Variants in EPHA3 observed in about 807,000 individuals in gnomAD.
The protein encoded by EPHA3 is EPH receptor A3.
EPHA3 carries 42 observed loss-of-function variants against 107.1 expected under a neutral mutation model. The observed-to-expected ratio is 0.39, with a 90% CI of 0.31 to 0.51. The LOEUF (loss-of-function observed/expected upper bound fraction) is 0.51. EPHA3 is among the 20% of genes least tolerant of loss of function. The pLI, the probability that EPHA3 is intolerant of heterozygous loss-of-function variation, is 0.78. For synonymous variants in EPHA3, 461 were observed against 424.8 expected (o/e 1.09, Z -1.05); for missense variants, 1,183 against 1,211.2 (o/e 0.98, Z 0.35).
intron 3 of EPHA3, among the ~76,000 whole-genome samples, chr3:89,292,641 A>G (rs371293744): frequency 6.6e-6 from 1 of 152,326 alleles, no homozygotes; most frequent in East Asian, 1.9e-4. Flanking sequence ...TTTGATCTAT[A>G]GAAAGCATTA....
chr3:89,457,012 C>G (rs1209868274), intron 15 of EPHA3, among the ~76,000 whole-genome samples: 1 of 152,026 alleles, frequency 6.6e-6, no homozygotes, highest in Non-Finnish European at 1.5e-5. Context: ...ATTATTAGAG[C>G]AAAAATAAAA....
chr3:89,271,028 G>T (rs1364968503), intron 3 of EPHA3, among the ~76,000 whole-genome samples: 3 of 152,022 alleles, frequency 2.0e-5, no homozygotes, highest in Non-Finnish European at 4.4e-5. Context: ...AACTGATATG[G>T]AAAGAATAAG....
intron 13 of EPHA3, among the ~76,000 whole-genome samples, chr3:89,448,091 C>T (rs186319469): frequency 2.0e-5 from 3 of 152,188 alleles, no homozygotes; most frequent in Non-Finnish European, 4.4e-5. Context: ...AAGTGCCCTC[C>T]TCAGTCTCTC....
chr3:89,233,342 T>C (rs1201962618), intron 3 of EPHA3, among the ~76,000 whole-genome samples: 1 of 152,124 alleles, frequency 6.6e-6, no homozygotes, highest in African/African-American at 2.4e-5. Flanking sequence ...AAGACCTACA[T>C]TGTCCCCCCA....
intron 10 of EPHA3, among the ~76,000 whole-genome samples, chr3:89,413,882 A>G (rs1659869921): frequency 6.6e-6 from 1 of 151,740 alleles, no homozygotes; most frequent in Admixed American, 6.6e-5. Context: ...TAACAGTTGC[A>G]TATTTATAAG....
intron 3 of EPHA3, among the ~76,000 whole-genome samples, chr3:89,302,983 C>A (rs977866417): frequency 2.6e-5 from 4 of 152,056 alleles, no homozygotes; most frequent in Admixed American, 6.6e-5. Context: ...ACCTTGACGC[C>A]CTGAGCTCAA....
At chr3:89,245,764 G>A (rs1705017388) in intron 3 of EPHA3, among the ~76,000 whole-genome samples, 1 of 152,234 alleles carries the variant, frequency 6.6e-6, no homozygotes, top group South Asian at 2.1e-4. Context: ...GGCATCTACT[G>A]TTATCAGAGT....
intron 3 of EPHA3, among the ~76,000 whole-genome samples, chr3:89,282,392 T>C (rs1705970617): frequency 6.6e-6 from 1 of 152,144 alleles, no homozygotes; most frequent in Admixed American, 6.5e-5. Context: ...ATCATACTTG[T>C]TGATTAATCA....
At chr3:89,474,153 CAAAT>C (rs1381051513) in intron 16 of EPHA3, among the ~76,000 whole-genome samples, 14 of 151,956 alleles carry the variant, frequency 9.2e-5, no homozygotes, top group Non-Finnish European at 1.3e-4. Flanking sequence ...GCCCAACAAA[CAAAT>C]AAATAAGTTT....
chr3:89,191,143 A>G (rs1189966285), intron 2 of EPHA3, among the ~76,000 whole-genome samples: 1 of 152,156 alleles, frequency 6.6e-6, no homozygotes, highest in Non-Finnish European at 1.5e-5. Context: ...ATGCTAGCTT[A>G]GAAGACAAAA....
intron 5 of EPHA3, among the ~76,000 whole-genome samples, chr3:89,394,277 G>A (rs1576355639): frequency 6.6e-6 from 1 of 152,242 alleles, no homozygotes; most frequent in East Asian, 1.9e-4. Context: ...GATTGTGGTG[G>A]CACAAGCCTG....
chr3:89,269,762 AC>A (rs1354575956), intron 3 of EPHA3, among the ~76,000 whole-genome samples: 2 of 43,220 alleles, frequency 4.6e-5, no homozygotes, highest in Admixed American at 7.2e-4. Flanking sequence ...CCCTCCCCCC[AC>A]CCCACAACAG....
At chr3:89,449,717 A>C (rs1709949915) in intron 14 of EPHA3, among the ~76,000 whole-genome samples, 1 of 152,186 alleles carries the variant, frequency 6.6e-6, no homozygotes, top group African/African-American at 2.4e-5. Flanking sequence ...TAATGAACTA[A>C]TAGTTACTTA....
chr3:89,474,960 G>A (rs2107577361), intron 16 of EPHA3, among the ~76,000 whole-genome samples: 1 of 152,256 alleles, frequency 6.6e-6, no homozygotes, highest in Non-Finnish European at 1.5e-5. Context: ...ACTGAGTCAG[G>A]TGGTATGGAT....
intron 3 of EPHA3, among the ~76,000 whole-genome samples, chr3:89,229,799 C>G (rs1265715822): frequency 6.6e-6 from 1 of 151,752 alleles, no homozygotes; most frequent in African/African-American, 2.4e-5. Flanking sequence ...AGAAAGCAAA[C>G]AACATAAAAG....
intron 2 of EPHA3, among the ~76,000 whole-genome samples, chr3:89,208,784 C>A (rs1454495089): frequency 1.3e-5 from 2 of 151,928 alleles, no homozygotes; most frequent in African/African-American, 2.4e-5. Context: ...TGGTTTAGGA[C>A]CAGTTTTAAG....
intron 15 of EPHA3, among the ~76,000 whole-genome samples, chr3:89,466,658 C>T (rs546080144): frequency 0.02 from 2,600 of 129,686 alleles, 298 homozygotes; most frequent in Non-Finnish European, 0.031. Context: ...TTGCGCTTCC[C>T]AGGTGAGGCA....
At chr3:89,422,925 A>T (rs1709381907) in intron 11 of EPHA3, among the ~76,000 whole-genome samples, 1 of 151,366 alleles carries the variant, frequency 6.6e-6, no homozygotes, top group Non-Finnish European at 1.5e-5. Flanking sequence ...AGAGTCTCTG[A>T]TCTTCAAAGT....
chr3:89,423,099 A>G (rs754154235), intron 11 of EPHA3, among the ~76,000 whole-genome samples: 12 of 151,616 alleles, frequency 7.9e-5, no homozygotes, highest in Non-Finnish European at 1.5e-4. Context: ...AACACCTTCC[A>G]TTGGCCACTT....
Sources: gnomAD v4.1 joint callset for allele counts (sites outside exome capture counted in the v4.1 genomes callset) on GRCh38, gnomAD v4.1.1 for gene constraint, MANE v1.5 for transcripts, NCBI Gene and HGNC (gene_info 2026-07-23, HGNC 2026-07-21) for gene names.